The following RIOK3 variants were observed in gnomAD, a reference collection of about 807,000 sequenced individuals.
RIOK3 encodes serine/threonine-protein kinase RIO3.
A neutral mutation model predicts 63.5 loss-of-function variants in RIOK3; 40 were observed. The observed-to-expected ratio is 0.63, with a 90% CI of 0.49 to 0.82. The LOEUF is 0.82. Among genes scored for constraint, RIOK3 ranks in the 40% least tolerant of loss-of-function variants. The pLI is 0.00. For synonymous variants in RIOK3, 193 were observed against 205.0 expected (o/e 0.94, Z 0.50); for missense variants, 557 against 637.0 (o/e 0.87, Z 1.35).
chr18:23,468,293 CT>C (rs1245472469), intron 7 of RIOK3, among the ~76,000 whole-genome samples: 3,510 of 46,744 alleles, frequency 0.075, 66 homozygotes, highest in East Asian at 0.2. Flanking sequence ...CAATATACTC[CT>C]TTTTTTTTTT....
intron 12 of RIOK3, 31 bp downstream of exon 12, chr18:23,479,455 C>T (rs749254482): frequency 7.3e-7 from 1 of 1,378,778 alleles, no homozygotes; most frequent in Non-Finnish European, 1.0e-6. Flanking sequence ...TTTCACCTTG[C>T]TGGTCATGCA....
chr18:23,456,659 C>G (rs921305079), intron 1 of RIOK3, among the ~76,000 whole-genome samples: 1 of 151,936 alleles, frequency 6.6e-6, no homozygotes, highest in Non-Finnish European at 1.5e-5. Context: ...TCCCAAAGTG[C>G]TAGAATTACA....
At chr18:23,476,093 T>A (rs1321363572) in intron 9 of RIOK3, among the ~76,000 whole-genome samples, 1 of 152,074 alleles carries the variant, frequency 6.6e-6, no homozygotes, top group Non-Finnish European at 1.5e-5. Flanking sequence ...AGCCATTGAA[T>A]GTTACAGCTT....
intron 7 of RIOK3, among the ~76,000 whole-genome samples, chr18:23,470,862 T>C (rs2057452084): frequency 6.6e-6 from 1 of 152,208 alleles, no homozygotes; most frequent in Admixed American, 6.5e-5. Flanking sequence ...AAGGGATCTC[T>C]TGTATGGCAT....
At chr18:23,461,507 A>G (rs571837403) in intron 1 of RIOK3, among the ~76,000 whole-genome samples, 2 of 152,344 alleles carry the variant, frequency 1.3e-5, no homozygotes, top group South Asian at 4.1e-4. Context: ...TTGGAGTAGA[A>G]TTATGGAAGA....
chr18:23,470,718 TG>T (rs1431428488), intron 7 of RIOK3, among the ~76,000 whole-genome samples: 1 of 152,142 alleles, frequency 6.6e-6, no homozygotes, highest in Admixed American at 6.5e-5. Flanking sequence ...GTAAGCAAAC[TG>T]GAAATTGGTA....
intron 1 of RIOK3, among the ~76,000 whole-genome samples, chr18:23,459,151 C>T (rs1452807501): frequency 6.6e-6 from 1 of 152,198 alleles, no homozygotes; most frequent in African/African-American, 2.4e-5. Flanking sequence ...TCCTGCCTGT[C>T]ATTTTTGCCT....
Position 23,475,068 on chromosome 18 carries a change from T to G in RIOK3, c.1134T>G (p.Asn378Lys). ...PAPKLKEVKL[N>K]SEEMKEAYYQ... Reference sequence around the variant, plus strand: ...CTAAATTAAAAGAAGTAAAGCTCAATAGTGAAGAAATGAAAGAAGCCTACT... The same window carrying G: ...CTAAATTAAAAGAAGTAAAGCTCAAGAGTGAAGAAATGAAAGAAGCCTACT... Residue 378 changes from asparagine to lysine, a missense_variant, in exon 9 of 13, where the codon AAT (asparagine) becomes AAG (lysine). This residue lies in a region of RIOK3 where 309 missense variants were observed against 338.7 expected (regional missense o/e 0.91). Transcript: ENST00000339486. 1.9e-6 allele frequency: 3 copies of G among 1,613,334 alleles called. No homozygotes were observed. The highest frequency in any genetic ancestry group is 2.5e-6 in the Non-Finnish European group (3 of 1,179,524).
At chr18:23,465,383 CAAAAA>C (rs1189509344) in intron 5 of RIOK3, among the ~76,000 whole-genome samples, 5 of 150,570 alleles carry the variant, frequency 3.3e-5, no homozygotes, top group African/African-American at 1.2e-4. Context: ...AAAAAACAAA[CAAAAA>C]AAAAGCATTC....
chr18:23,477,740 C>G (rs989820592), intron 11 of RIOK3, among the ~76,000 whole-genome samples: 1 of 143,758 alleles, frequency 7.0e-6, no homozygotes, highest in African/African-American at 2.6e-5. Context: ...TCCACCCAGC[C>G]TGGGCAACAG....
At chr18:23,476,909 C>T in intron 9 of RIOK3, 97 bp from the exon 10 acceptor site, 1 of 988,606 alleles carries the variant, frequency 1.0e-6, no homozygotes, top group East Asian at 2.6e-5. Context: ...GAGACTCTGT[C>T]TCCAAAAAAA....
intron 9 of RIOK3, among the ~76,000 whole-genome samples, chr18:23,476,624 G>T (rs1156742253): frequency 1.5e-4 from 4 of 25,918 alleles, no homozygotes; most frequent in Non-Finnish European, 2.3e-4. Flanking sequence ...AAGACTTTGA[G>T]GGGGGCTGGG....
chr18:23,475,215 A>G, intron 9 of RIOK3, 108 bp downstream of exon 9: 1 of 838,544 alleles, frequency 1.2e-6, no homozygotes, highest in Non-Finnish European at 1.8e-6. Context: ...CACACTTGTA[A>G]TCTAGAACTT....
At chr18:23,456,695 A>G (rs2057343375) in intron 1 of RIOK3, among the ~76,000 whole-genome samples, 1 of 152,226 alleles carries the variant, frequency 6.6e-6, no homozygotes, top group Non-Finnish European at 1.5e-5. Flanking sequence ...ACCTGGCCAA[A>G]AGAAAACTAT....
chr18:23,481,188 AAATG>A lies in RIOK3; in HGVS notation c.1476_1479del (p.Asn492LysfsTer15), dbSNP rs1301118789. The stretch of plus-strand genomic sequence containing the variant: ...TTTTTGTAGATAGAAGCTTTGGAGA[AAATG>A]AATGAAGATCACGTTCAGAAGAATG... On this transcript the variant is annotated frameshift_variant, in exon 13 of 13. Coordinates refer to ENST00000339486, the MANE Select transcript of RIOK3 (RefSeq NM_003831.5). LOFTEE classifies it high-confidence loss of function. The A allele has an allele frequency of 3.1e-6, 5 of 1,610,568 alleles. No individual in the cohort carries two copies. The highest frequency in any genetic ancestry group is 2.2e-5 in the East Asian group (1 of 44,878).
chr18:23,464,462 T>C, intron 4 of RIOK3, 57 bp from the exon 5 acceptor site: 1 of 1,234,362 alleles, frequency 8.1e-7, no homozygotes, highest in South Asian at 1.3e-5. Flanking sequence ...CAACGTTGAA[T>C]GCAGCAATGT....
chr18:23,481,579 A>G lies in RIOK3; in HGVS notation c.*300A>G, dbSNP rs142281309. The stretch of plus-strand genomic sequence containing the variant: ...TGTGGTGTAAAATGTCTTGATGATA[A>G]TTTTTAAAACTTGGGTAACACTTCC... On this transcript the variant is annotated 3_prime_UTR_variant, in exon 13 of 13. Transcript: ENST00000339486. 516 of 241,830 alleles carry G rather than the reference A, an allele frequency of 2.1e-3. 3 individuals carry two copies. Among genetic ancestry groups the G allele is most frequent in the African/African-American group, 0.01 (451 of 44,958 alleles). 15.0% of individuals were successfully genotyped at this position (241,830 alleles called of 1,614,324 possible).
chr18:23,460,498 A>G (rs1215140418), intron 1 of RIOK3, among the ~76,000 whole-genome samples: 1 of 152,238 alleles, frequency 6.6e-6, no homozygotes, highest in Non-Finnish European at 1.5e-5. Context: ...TTTAAAATCC[A>G]TAAAATGGGG....
intron 6 of RIOK3, among the ~76,000 whole-genome samples, chr18:23,467,064 C>G (rs1350030006): frequency 6.6e-6 from 1 of 151,740 alleles, no homozygotes; most frequent in Non-Finnish European, 1.5e-5. Context: ...ACCTATAATC[C>G]CAGCACTTTG....
Sources: gnomAD v4.1 joint callset for allele counts (sites outside exome capture counted in the v4.1 genomes callset) on GRCh38, gnomAD v4.1.1 for gene constraint, gnomAD v4.1.1 regional missense constraint, MANE v1.5 for transcripts, NCBI Gene and HGNC (gene_info 2026-07-23, HGNC 2026-07-21) for gene names.